The following BICC1 variants were observed in gnomAD, a reference collection of about 807,000 sequenced individuals.
The protein encoded by BICC1 is BicC family RNA binding protein 1.
Under a neutral mutation model 111.0 loss-of-function variants are expected in BICC1, and 43 were observed. The observed-to-expected ratio is 0.39, with a 90% CI of 0.30 to 0.50. BICC1 has a LOEUF of 0.50. Ranked by LOEUF, BICC1 falls within the 20% of genes least tolerant of loss-of-function variation. The probability of loss-of-function intolerance (pLI) is 0.88; values close to 1 mark genes in which losing one functional copy is unlikely to be tolerated. For missense variants in BICC1, 1,091 were observed against 1,203.2 expected, an observed-to-expected ratio of 0.91 and a Z score of 1.38; for synonymous variants, 467 against 434.4, an observed-to-expected ratio of 1.07 and a Z score of -0.93.
chr10:58,728,287 A>G (rs1157564397), intron 3 of BICC1, among the ~76,000 whole-genome samples: 3 of 152,214 alleles, frequency 2.0e-5, no homozygotes, highest in Non-Finnish European at 4.4e-5. Context: ...TTTATATAGT[A>G]TTATACATTT....
In BICC1 at chr10:58,522,058, G is replaced by C. The variant is rs80346666; in HGVS notation, c.190+8725G>C. Among the ~76,000 whole-genome samples the C allele has an allele frequency of 5.1e-3, 773 of 151,814 alleles. 4 individuals are homozygous for C. Among genetic ancestry groups the C allele is most frequent in the African/African-American group, 0.018 (738 of 41,438 alleles). ...TTTTTCCACATTATTAAACCATCTT[G>C]AAGCATTTTAGTCTGGGAACATAAT... On this transcript the variant is annotated intron_variant, in intron 1 of 20. Transcript: ENST00000373886.
intron 1 of BICC1, among the ~76,000 whole-genome samples, chr10:58,573,737 T>C (rs956720338): frequency 6.6e-6 from 1 of 152,130 alleles, no homozygotes; most frequent in African/African-American, 2.4e-5. Context: ...CTCTAACAGA[T>C]CTGTGCATGA....
intron 2 of BICC1, among the ~76,000 whole-genome samples, chr10:58,626,005 GC>G (rs1420029025): frequency 2.0e-4 from 30 of 152,136 alleles, no homozygotes; most frequent in Admixed American, 2.0e-3. Flanking sequence ...CTGAGTCTGT[GC>G]TTAAACACAA....
chr10:58,537,994 C>G (rs916874671), intron 1 of BICC1, among the ~76,000 whole-genome samples: 1 of 151,678 alleles, frequency 6.6e-6, no homozygotes, highest in Non-Finnish European at 1.5e-5. Context: ...TGGAAATACA[C>G]CTTATGCTCA....
intron 1 of BICC1, among the ~76,000 whole-genome samples, chr10:58,532,381 T>A (rs897499761): frequency 6.6e-6 from 1 of 151,810 alleles, no homozygotes; most frequent in Non-Finnish European, 1.5e-5. Flanking sequence ...AGACATCAAT[T>A]TGAAAAGAGT....
At chr10:58,577,979 T>C (rs1844161275) in intron 1 of BICC1, among the ~76,000 whole-genome samples, 1 of 152,234 alleles carries the variant, frequency 6.6e-6, no homozygotes, top group Non-Finnish European at 1.5e-5. Context: ...TTAATTATTA[T>C]TCCTCAATGG....
intron 3 of BICC1, among the ~76,000 whole-genome samples, chr10:58,754,407 C>G (rs1423984290): frequency 6.6e-6 from 1 of 152,142 alleles, no homozygotes; most frequent in Non-Finnish European, 1.5e-5. Context: ...ACTGGATAAT[C>G]CAAAAGTTGA....
intron 2 of BICC1, among the ~76,000 whole-genome samples, chr10:58,680,374 C>G (rs780519544): frequency 6.6e-6 from 1 of 152,142 alleles, no homozygotes; most frequent in African/African-American, 2.4e-5. Context: ...CACAAGCATT[C>G]CTATACGCCA....
rs190558690 is a variant in BICC1 at position 58,829,268 on chromosome 10, A to C, written c.*377A>C. On this transcript the variant is annotated 3_prime_UTR_variant, in exon 21 of 21. Coordinates refer to ENST00000373886, the MANE Select transcript of BICC1 (RefSeq NM_001080512.3). Reference sequence around the variant, plus strand: ...TGACATCTGGGATGCCAGAAGACTTAGAAGTTATTTTGTTTGCTTGTTTTG... The same window carrying C: ...TGACATCTGGGATGCCAGAAGACTTCGAAGTTATTTTGTTTGCTTGTTTTG... 1,233 of 132,362 alleles carry C rather than the reference A, an allele frequency of 9.3e-3. 14 individuals carry two copies. The highest frequency in any genetic ancestry group is 0.034 in the African/African-American group (1,141 of 33,812). The allele number at this position is 132,362 out of a possible 1,614,324, so 8.2% of individuals were successfully genotyped here.
chr10:58,608,902 A>G (rs1328128555), intron 1 of BICC1, among the ~76,000 whole-genome samples: 1 of 152,250 alleles, frequency 6.6e-6, no homozygotes, highest in East Asian at 1.9e-4. Context: ...AGCAGCCCTG[A>G]TGAAAGCAGG....
intron 1 of BICC1, among the ~76,000 whole-genome samples, chr10:58,560,403 A>G (rs1046171331): frequency 2.0e-5 from 3 of 151,850 alleles, no homozygotes; most frequent in Non-Finnish European, 4.4e-5. Flanking sequence ...ATCAATTGTA[A>G]TGTCTTCCTC....
intron 2 of BICC1, among the ~76,000 whole-genome samples, chr10:58,689,082 T>C (rs1027506861): frequency 6.6e-6 from 1 of 151,688 alleles, no homozygotes; most frequent in African/African-American, 2.4e-5. Context: ...GAAAGAAAGG[T>C]TTTTGGTGCT....
chr10:58,520,533 C>CATTTATGATGT (rs1842361558), intron 1 of BICC1, among the ~76,000 whole-genome samples: 2 of 152,114 alleles, frequency 1.3e-5, no homozygotes, highest in Non-Finnish European at 2.9e-5. Context: ...ATCTTGTTCC[C>CATTTATGATGT]ATTTATGATG....
At chr10:58,519,184 T>C (rs1451193130) in intron 1 of BICC1, among the ~76,000 whole-genome samples, 5 of 152,174 alleles carry the variant, frequency 3.3e-5, no homozygotes, top group Non-Finnish European at 7.3e-5. Flanking sequence ...TGCCTTATTT[T>C]TGCACTGTGG....
rs1415198188 is a variant in BICC1, at chr10:58,525,428, G to A, written c.190+12095G>A. On this transcript the variant is annotated intron_variant, in intron 1 of 20. Coordinates refer to ENST00000373886, the MANE Select transcript of BICC1 (RefSeq NM_001080512.3). ...CTCCTTGGTAGGGCATGGATGAAGC[G>A]GGAAACCATCATTCTCAGCAAACTA... Among the ~76,000 whole-genome samples, 6 of 112,130 alleles carry A rather than the reference G, an allele frequency of 5.4e-5. 2 individuals are homozygous for A. The highest frequency in any genetic ancestry group is 1.4e-4 in the African/African-American group (5 of 35,846). The allele number at this position is 112,130 out of a possible 152,430, so 73.6% of individuals were successfully genotyped here. A position where few individuals can be genotyped will look rare whatever the true frequency, so the allele number is the denominator to read the frequency against.
At chr10:58,591,288 TTCATGTTACCTG>T (rs1187232059) in intron 1 of BICC1, among the ~76,000 whole-genome samples, 1 of 152,146 alleles carries the variant, frequency 6.6e-6, no homozygotes, top group African/African-American at 2.4e-5. Flanking sequence ...GAAAAACAGA[TTCATGTTACCTG>T]TCATTAGCAT....
At position 58,798,335 on chromosome 10, in the gene BICC1, G is replaced by A. The variant is rs546801866; in HGVS notation, c.1367-64G>A. ...TTGTGCATTCCCAATGGCAATATTG[G>A]TGCCATCTCTATTTTAAAATCTTAA... is the stretch of plus-strand genomic sequence containing the variant. On this transcript the variant is annotated intron_variant, in intron 10 of 20. Coordinates refer to ENST00000373886, the MANE Select transcript of BICC1 (RefSeq NM_001080512.3). 2.0e-4 allele frequency: 249 copies of A among 1,230,916 alleles called. 2 individuals carry two copies. The Middle Eastern group carries it at 2.2e-3, about 11-fold the overall frequency. The allele number at this position is 1,230,916 out of a possible 1,614,324, so 76.2% of individuals were successfully genotyped here. A position where few individuals can be genotyped will look rare whatever the true frequency, so the allele number is the denominator to read the frequency against.
At chr10:58,542,221 A>G (rs955063838) in intron 1 of BICC1, among the ~76,000 whole-genome samples, 1 of 151,920 alleles carries the variant, frequency 6.6e-6, no homozygotes, top group Non-Finnish European at 1.5e-5. Flanking sequence ...GAATCGAGAA[A>G]TAAATCCTCG....
At chr10:58,738,374 A>T (rs987607904) in intron 3 of BICC1, among the ~76,000 whole-genome samples, 1 of 151,536 alleles carries the variant, frequency 6.6e-6, no homozygotes, top group Non-Finnish European at 1.5e-5. Flanking sequence ...TTTTTGTCAG[A>T]TTTGTCAAAG....
Sources: allele counts gnomAD v4.1 joint callset (sites outside exome capture counted in the v4.1 genomes callset), GRCh38; gene constraint gnomAD v4.1.1; transcripts MANE v1.5; gene names NCBI Gene and HGNC (gene_info 2026-07-23, HGNC 2026-07-21).